IMMP1L: variants seen among roughly 807,000 people sequenced by gnomAD.
The protein encoded by IMMP1L is inner mitochondrial membrane peptidase subunit 1, also known as mitochondrial inner membrane protease subunit 1.
Under a neutral mutation model 21.8 loss-of-function variants are expected in IMMP1L, and 24 were observed. That is an observed-to-expected ratio of 1.10 (90% CI 0.80 to 1.55). The LOEUF (loss-of-function observed/expected upper bound fraction) is 1.55, where lower values mean the gene tolerates loss of function less well. Among genes scored for constraint, IMMP1L ranks in the 40% most tolerant of loss-of-function variants. The pLI, the probability that IMMP1L is intolerant of heterozygous loss-of-function variation, is 0.00. For missense variants in IMMP1L, 195 were observed against 200.7 expected, an observed-to-expected ratio of 0.97 and a Z score of 0.17; for synonymous variants, 46 against 62.8, an observed-to-expected ratio of 0.73 and a Z score of 1.26.
At chr11:31,472,866 ATTTAT>A (rs1564992921) in intron 1 of IMMP1L, among the ~76,000 whole-genome samples, 1 of 151,672 alleles carries the variant, frequency 6.6e-6, no homozygotes, top group African/African-American at 2.4e-5. Context: ...TTTTTTATTT[ATTTAT>A]TTATTTTTTT....
At chr11:31,502,845 T>G (rs1955664446) in intron 1 of IMMP1L, among the ~76,000 whole-genome samples, 1 of 152,238 alleles carries the variant, frequency 6.6e-6, no homozygotes, top group East Asian at 1.9e-4. Flanking sequence ...CTTTTTTTGC[T>G]AAAAATTTTA....
chr11:31,493,889 C>T (rs1464043581), intron 1 of IMMP1L, among the ~76,000 whole-genome samples: 1 of 152,244 alleles, frequency 6.6e-6, no homozygotes, highest in Non-Finnish European at 1.5e-5. Context: ...ATCCAGGTCA[C>T]ACTGATGCAA....
At chr11:31,453,482 CAGAGG>C (rs1953829616) in intron 4 of IMMP1L, among the ~76,000 whole-genome samples, 1 of 152,100 alleles carries the variant, frequency 6.6e-6, no homozygotes, top group African/African-American at 2.4e-5. Flanking sequence ...TTAGAGGATG[CAGAGG>C]TAAGGGGAAG....
rs1953648005 is a variant in IMMP1L, at chr11:31,449,098, AAAAC to A, written c.321+7158_321+7161del. ...AGGTTTTTATCACTATAGTCTGCAA[AAAAC>A]AAGTCGCTTGTTTAGATACTCTAGT... On this transcript the variant is annotated intron_variant, in intron 4 of 5. Coordinates refer to ENST00000532287, the MANE Select transcript of IMMP1L (RefSeq NM_001304274.2). 12 of 985,186 alleles carry A rather than the reference AAAAC, an allele frequency of 1.2e-5. No individual in the cohort carries two copies. The South Asian group carries it at 5.6e-4, about 46-fold the overall frequency. 61.0% of individuals were successfully genotyped at this position (985,186 alleles called of 1,614,324 possible). A position where few individuals can be genotyped will look rare whatever the true frequency, so the allele number is the denominator to read the frequency against.
rs148972728 is a variant in IMMP1L, at chr11:31,458,358, T to C, written c.195-1972A>G. Among the ~76,000 whole-genome samples the C allele has an allele frequency of 9.5e-3, 1,443 of 152,208 alleles. 27 individuals are homozygous for C. Among genetic ancestry groups the C allele is most frequent in the African/African-American group, 0.033 (1,384 of 41,520 alleles). On this transcript the variant is annotated intron_variant, in intron 3 of 5. Transcript: ENST00000532287. ...CACAGTAAGCTTTTGAAAACTAGTG[T>C]CAATTATCTCATTAATCTTAACATT...
chr11:31,485,803 A>G (rs1347708614), intron 1 of IMMP1L, among the ~76,000 whole-genome samples: 3 of 151,936 alleles, frequency 2.0e-5, no homozygotes, highest in East Asian at 1.9e-4. Context: ...AAACAGTCCA[A>G]CACAGCATAG....
rs955493991 is a variant in IMMP1L, at chr11:31,463,179, ACAC to A, written c.95_97del (p.Gly32del). The stretch of plus-strand genomic sequence containing the variant: ...TTGAACATAAAAACTTACCATGACA[ACAC>A]CACCAACGTATTCAAAAGCACAATG... On this transcript the variant is annotated inframe_deletion, in exon 2 of 6. Coordinates refer to ENST00000532287, the MANE Select transcript of IMMP1L (RefSeq NM_001304274.2). 8.7e-6 allele frequency: 14 copies of A among 1,600,502 alleles called. No individual in the cohort carries two copies. Among genetic ancestry groups the A allele is most frequent in the Non-Finnish European group, 1.2e-5 (14 of 1,174,900 alleles).
chr11:31,476,014 TATATAATAC>T (rs1954718329), intron 1 of IMMP1L, among the ~76,000 whole-genome samples: 1 of 152,064 alleles, frequency 6.6e-6, no homozygotes, highest in Non-Finnish European at 1.5e-5. Flanking sequence ...TAAAAATAAA[TATATAATAC>T]TACAAGCTAC....
At chr11:31,509,247 G>A (rs1279380272) in intron 1 of IMMP1L, among the ~76,000 whole-genome samples, 1 of 152,122 alleles carries the variant, frequency 6.6e-6, no homozygotes, top group African/African-American at 2.4e-5. Context: ...AAGCCCAGAC[G>A]CTCAGCAACC....
intron 1 of IMMP1L, among the ~76,000 whole-genome samples, chr11:31,506,160 G>A (rs1463001502): frequency 6.6e-6 from 1 of 151,582 alleles, no homozygotes; most frequent in Non-Finnish European, 1.5e-5. Context: ...CTGAGCTCTG[G>A]TGCACTTCCT....
intron 4 of IMMP1L, among the ~76,000 whole-genome samples, chr11:31,450,834 C>A (rs1953730985): frequency 6.6e-6 from 1 of 152,090 alleles, no homozygotes; most frequent in Admixed American, 6.6e-5. Context: ...TCATATATAT[C>A]TAGATCTGTC....
chr11:31,491,362 A>G (rs984824584), intron 1 of IMMP1L, among the ~76,000 whole-genome samples: 3 of 152,226 alleles, frequency 2.0e-5, no homozygotes, highest in African/African-American at 7.2e-5. Flanking sequence ...AGGAACATTA[A>G]AAAGGTTTCT....
At chr11:31,476,904 T>G (rs1272167290) in intron 1 of IMMP1L, among the ~76,000 whole-genome samples, 2 of 152,086 alleles carry the variant, frequency 1.3e-5, no homozygotes, top group Non-Finnish European at 2.9e-5. Context: ...CAAAATCAAT[T>G]AACTAACTCA....
chr11:31,433,231 T>C (rs1419059029), intron 5 of IMMP1L, among the ~76,000 whole-genome samples: 3 of 152,204 alleles, frequency 2.0e-5, no homozygotes, highest in African/African-American at 7.2e-5. Flanking sequence ...ATTAAAGTTT[T>C]CTTAGGCTAT....
At chr11:31,491,403 T>A (rs1955251914) in intron 1 of IMMP1L, among the ~76,000 whole-genome samples, 2 of 152,120 alleles carry the variant, frequency 1.3e-5, no homozygotes, top group African/African-American at 4.8e-5. Context: ...ATGAAGAACA[T>A]GGTATTGGAA....
intron 1 of IMMP1L, among the ~76,000 whole-genome samples, chr11:31,465,925 C>G (rs1014478795): frequency 6.6e-6 from 1 of 151,828 alleles, no homozygotes; most frequent in African/African-American, 2.4e-5. Flanking sequence ...CAAAAATAGA[C>G]AAACGGATTT....
intron 4 of IMMP1L, chr11:31,448,837 T>C: frequency 1.9e-6 from 1 of 522,268 alleles, no homozygotes; most frequent in Non-Finnish European, 2.5e-6. Context: ...GCCTCAAAGA[T>C]TATTCTTTAG....
chr11:31,464,847 G>A (rs1453522980), intron 1 of IMMP1L, among the ~76,000 whole-genome samples: 2 of 152,032 alleles, frequency 1.3e-5, no homozygotes, highest in Non-Finnish European at 2.9e-5. Context: ...CTTAATGGGG[G>A]AAAAGCTGAA....
chr11:31,464,480 C>T (rs552921469), intron 1 of IMMP1L, among the ~76,000 whole-genome samples: 27 of 152,126 alleles, frequency 1.8e-4, no homozygotes, highest in African/African-American at 6.3e-4. Flanking sequence ...AAACCAGATG[C>T]AGGAAAAGAG....
Sources: gnomAD v4.1 joint callset for allele counts (sites outside exome capture counted in the v4.1 genomes callset) on GRCh38, gnomAD v4.1.1 for gene constraint, MANE v1.5 for transcripts, NCBI Gene and HGNC (gene_info 2026-07-23, HGNC 2026-07-21) for gene names.